Variants in TDRD15 observed in about 807,000 individuals in gnomAD.
TDRD15 encodes tudor domain-containing protein 15.
For missense variants in TDRD15, 1,416 were observed against 904.7 expected (o/e 1.57, Z -7.25); for synonymous variants, 503 against 314.5 (o/e 1.60, Z -6.34).
chr2:21,140,515 A>G lies in TDRD15; in HGVS notation c.3048A>G (p.Arg1016=), dbSNP rs1421335772. 2 of 693,348 alleles carry G rather than the reference A, an allele frequency of 2.9e-6. No individual in the cohort carries two copies. The highest frequency in any genetic ancestry group is 1.6e-5 in the South Asian group (1 of 62,208). The allele number at this position is 693,348 out of a possible 1,614,324, so 42.9% of individuals were successfully genotyped here. The change falls in exon 4 of 4, where the codon AGA becomes AGG. Residue 1016 remains arginine, a synonymous_variant. Transcript: ENST00000405799. ...CAAAATATGATTCTAATAAAATGAG[A>G]GTGTGCATATCTAAGTATGTAGAGG... The part of the protein sequence containing the change: ...NFPKYDSNKM[R]VCISKYVEDG...
chr2:21,133,902 C>G (rs141790684), intron 2 of TDRD15, among the ~76,000 whole-genome samples: 23 of 151,916 alleles, frequency 1.5e-4, no homozygotes, highest in African/African-American at 5.5e-4. Flanking sequence ...AATCAAATAT[C>G]ATAATATTAT....
At position 21,133,608 on chromosome 2, in the gene TDRD15, T is replaced by C. The variant is rs11903814; in HGVS notation, c.-89-1154T>C. On this transcript the variant is annotated intron_variant, in intron 2 of 3. Transcript: ENST00000405799. Reference sequence around the variant, plus strand: ...CTGTGGTCCGAAAAATGAAGGATCTTATTGTGAAGATCAGTTAAACTAGTG... The same window carrying C: ...CTGTGGTCCGAAAAATGAAGGATCTCATTGTGAAGATCAGTTAAACTAGTG... 0.012 allele frequency among the ~76,000 whole-genome samples: 1,803 copies of C among 152,266 alleles called. 61 individuals carry two copies. In the East Asian group the frequency reaches 0.14, roughly 12 times the overall value.
intron 3 of TDRD15, among the ~76,000 whole-genome samples, chr2:21,135,926 G>A (rs1037443251): frequency 6.6e-6 from 1 of 151,954 alleles, no homozygotes; most frequent in Admixed American, 6.6e-5. Context: ...GTGCCTTTGG[G>A]CTTGGTTGTC....
Position 21,140,136 on chromosome 2 carries a change from T to G in TDRD15, c.2669T>G (p.Phe890Cys). The change falls in exon 4 of 4, where the codon TTT (phenylalanine) becomes TGT (cysteine). Residue 890 changes from phenylalanine to cysteine, a missense_variant. Transcript: ENST00000405799. ...AAAGCATTCAGAGACTTGTGGAATT[T>G]TATCTCTTCATCTAGAGGGTTATTG... ...TRKAFRDLWN[F>C]ISSSRGLLTC... is the part of the protein sequence containing the mutation. 1 of 716,052 alleles carries G rather than the reference T, an allele frequency of 1.4e-6. No homozygotes were observed. Among genetic ancestry groups the G allele is most frequent in the Non-Finnish European group, 2.6e-6 (1 of 384,054 alleles). 44.4% of individuals were successfully genotyped at this position (716,052 alleles called of 1,614,324 possible). A position where few individuals can be genotyped will look rare whatever the true frequency, so the allele number is the denominator to read the frequency against.
At chr2:21,131,046 A>C (rs1260018878) in intron 2 of TDRD15, among the ~76,000 whole-genome samples, 1 of 152,230 alleles carries the variant, frequency 6.6e-6, no homozygotes, top group Non-Finnish European at 1.5e-5. Context: ...AAACTGAGTC[A>C]GATTTGGGTA....
chr2:21,131,699 A>G (rs1055567955), intron 2 of TDRD15, among the ~76,000 whole-genome samples: 10 of 152,246 alleles, frequency 6.6e-5, no homozygotes, highest in East Asian at 1.9e-4. Flanking sequence ...ACTTTTCACT[A>G]ATTTTTTGGT....
Position 21,140,641 on chromosome 2 carries a change from T to G in TDRD15, c.3174T>G (p.Asn1058Lys). The change falls in exon 4 of 4, where the codon AAT becomes AAG. Residue 1058 changes from asparagine (N) to lysine (K), a missense_variant. Transcript: ENST00000405799. ...DFGNKQLVGE[N>K]MLRAISAQFP... is the part of the protein sequence containing the mutation. ...GAAATAAGCAATTAGTAGGAGAAAA[T>G]ATGTTGAGGGCCATTTCAGCTCAGT... The G allele has an allele frequency of 1.4e-6, 1 of 715,274 alleles. No homozygotes were observed. The highest frequency in any genetic ancestry group is 2.6e-6 in the Non-Finnish European group (1 of 383,656). The allele number at this position is 715,274 out of a possible 1,614,324, so 44.3% of individuals were successfully genotyped here.
At chr2:21,134,631 A>G (rs1046060223) in intron 2 of TDRD15, 131 bp from the exon 3 acceptor site, 4 of 152,070 alleles carry the variant, frequency 2.6e-5, no homozygotes, top group African/African-American at 9.6e-5. Context: ...AAATTGTTAG[A>G]ACACTAATGA....
Position 21,139,792 on chromosome 2 carries a change from C to G in TDRD15, c.2325C>G (p.Leu775=), listed in dbSNP as rs1665884161. The G allele has an allele frequency of 1.4e-6, 1 of 715,250 alleles. No individual in the cohort carries two copies. Among genetic ancestry groups the G allele is most frequent in the Admixed American group, 2.0e-5 (1 of 49,888 alleles). 44.3% of individuals were successfully genotyped at this position (715,250 alleles called of 1,614,324 possible). ...YYGPGDFSCQ[L]QCKSEDLKLL... ...GCCCAGGTGACTTTTCATGCCAGCT[C>G]CAATGTAAGTCAGAAGACCTAAAAT... The change falls in exon 4 of 4, where the codon CTC becomes CTG. Residue 775 remains leucine (L), a synonymous_variant. Coordinates refer to ENST00000405799, the MANE Select transcript of TDRD15 (RefSeq NM_001306137.2).
rs1665953121 is a variant in TDRD15 at position 21,142,362 on chromosome 2, A to G, written c.4895A>G (p.Asn1632Ser). The G allele has an allele frequency of 1.4e-6, 1 of 691,852 alleles. No individual in the cohort carries two copies. Among genetic ancestry groups the G allele is most frequent in the Non-Finnish European group, 2.7e-6 (1 of 376,112 alleles). The allele number at this position is 691,852 out of a possible 1,614,324, so 42.9% of individuals were successfully genotyped here. A position where few individuals can be genotyped will look rare whatever the true frequency, so the allele number is the denominator to read the frequency against. ...AAGCTGCTTAGTAATGAAATAAGAA[A>G]CATTCCTAGACAAGCTGTACCTTGT... is the stretch of plus-strand genomic sequence containing the variant. Reference protein sequence around the residue: ...NTKLLSNEIRNIPRQAVPCKW... With the variant: ...NTKLLSNEIRSIPRQAVPCKW... The change falls in exon 4 of 4, where the codon AAC becomes AGC. Residue 1632 changes from asparagine to serine, a missense_variant. Coordinates refer to ENST00000405799, the MANE Select transcript of TDRD15 (RefSeq NM_001306137.2).
rs1307138181 is a variant in TDRD15, at chr2:21,138,034, A to G, written c.567A>G (p.Ser189=). The stretch of plus-strand genomic sequence containing the variant: ...TAGGAAGACTTGTTGATGGAGATTC[A>G]TTTCGTCTTATTGTGGAAATGTTAG... ...LQLGRLVDGD[S]FRLIVEMLEE... is the part of the protein sequence containing the mutation. The change falls in exon 4 of 4, where the codon TCA becomes TCG. Residue 189 remains serine, a synonymous_variant. Coordinates refer to ENST00000405799, the MANE Select transcript of TDRD15 (RefSeq NM_001306137.2). The G allele has an allele frequency of 9.8e-6, 7 of 716,112 alleles. No homozygotes were observed. In the East Asian group the frequency reaches 1.6e-4, roughly 16 times the overall value. 44.4% of individuals were successfully genotyped at this position (716,112 alleles called of 1,614,324 possible).
Position 21,139,052 on chromosome 2 carries a change from C to T in TDRD15, c.1585C>T (p.Leu529=). The T allele has an allele frequency of 1.4e-6, 1 of 714,942 alleles. No individual in the cohort carries two copies. 44.3% of individuals were successfully genotyped at this position (714,942 alleles called of 1,614,324 possible). A position where few individuals can be genotyped will look rare whatever the true frequency, so the allele number is the denominator to read the frequency against. ...YDLCENDEMI[L]RKPEPGLFCC... ...TTTGTGTGAAAACGATGAAATGATT[C>T]TAAGAAAACCTGAACCTGGATTATT... Residue 529 remains leucine (L), a synonymous_variant, in exon 4 of 4, where the codon CTA becomes TTA. Transcript: ENST00000405799.
rs1665842786 is a variant in TDRD15 at position 21,137,980 on chromosome 2, A to C, written c.513A>C (p.Lys171Asn). The change falls in exon 4 of 4, where the codon AAA becomes AAC. Residue 171 changes from lysine to asparagine, a missense_variant. Coordinates refer to ENST00000405799, the MANE Select transcript of TDRD15 (RefSeq NM_001306137.2). ...AAATGTTTCTTTTTGAAGTGCCAAAAATTATATCTCAGGCTCTCGAGTTAC... is the reference window on the plus strand; with the variant it reads ...AAATGTTTCTTTTTGAAGTGCCAAACATTATATCTCAGGCTCTCGAGTTAC... ...PLQMFLFEVPKIISQALELQL... is the reference protein window; with the variant it reads ...PLQMFLFEVPNIISQALELQL... 1.4e-6 allele frequency: 1 copy of C among 716,772 alleles called. No individual in the cohort carries two copies. The allele number at this position is 716,772 out of a possible 1,614,324, so 44.4% of individuals were successfully genotyped here. A position where few individuals can be genotyped will look rare whatever the true frequency, so the allele number is the denominator to read the frequency against.
chr2:21,131,382 G>C (rs1665715357), intron 2 of TDRD15, among the ~76,000 whole-genome samples: 1 of 152,222 alleles, frequency 6.6e-6, no homozygotes, highest in Non-Finnish European at 1.5e-5. Context: ...AGGTAGGCCA[G>C]TGGATTTTAA....
In TDRD15 at chr2:21,142,473, A is replaced by G. The variant is rs760363879; in HGVS notation, c.5006A>G (p.Tyr1669Cys). 1 of 705,538 alleles carries G rather than the reference A, an allele frequency of 1.4e-6. No homozygotes were observed. Among genetic ancestry groups the G allele is most frequent in the South Asian group, 1.5e-5 (1 of 65,038 alleles). The allele number at this position is 705,538 out of a possible 1,614,324, so 43.7% of individuals were successfully genotyped here. The change falls in exon 4 of 4, where the codon TAT becomes TGT. Residue 1669 changes from tyrosine to cysteine, a missense_variant. Tyr to Cys is a radical substitution (Grantham distance 194). Coordinates refer to ENST00000405799, the MANE Select transcript of TDRD15 (RefSeq NM_001306137.2). ...DLEINILFLK[Y>C]LDAVWEVEIL... Reference sequence around the variant, plus strand: ...GAAATAAATATTCTTTTCCTGAAATATTTAGATGCTGTTTGGGAAGTAGAA... The same window carrying G: ...GAAATAAATATTCTTTTCCTGAAATGTTTAGATGCTGTTTGGGAAGTAGAA...
intron 2 of TDRD15, among the ~76,000 whole-genome samples, chr2:21,129,165 C>G (rs1665659922): frequency 6.6e-6 from 1 of 151,922 alleles, no homozygotes; most frequent in Non-Finnish European, 1.5e-5. Context: ...GTAGTTTTCA[C>G]TTTTAGTTGT....
At chr2:21,125,892 G>A (rs924162490) in intron 1 of TDRD15, among the ~76,000 whole-genome samples, 1 of 151,934 alleles carries the variant, frequency 6.6e-6, no homozygotes, top group Non-Finnish European at 1.5e-5. Flanking sequence ...GGATTCTTAA[G>A]ACCTATTCAT....
At chr2:21,125,071 C>T (rs571904314) in intron 1 of TDRD15, among the ~76,000 whole-genome samples, 6 of 130,752 alleles carry the variant, frequency 4.6e-5, no homozygotes, top group Non-Finnish European at 8.0e-5. Flanking sequence ...GTGAGAGAGA[C>T]CCTAATGTCA....
rs568353664 is a variant in TDRD15 at position 21,138,228 on chromosome 2, G to A, written c.761G>A (p.Ser254Asn). 1.4e-6 allele frequency: 1 copy of A among 716,132 alleles called. No individual in the cohort carries two copies. Among genetic ancestry groups the A allele is most frequent in the East Asian group, 2.7e-5 (1 of 37,268 alleles). 44.4% of individuals were successfully genotyped at this position (716,132 alleles called of 1,614,324 possible). ...AAGGTATCATCTGCATTGAGCCCAA[G>A]TAAATTTTATTGTCAGTTAATTAAA... The part of the protein sequence containing the change: ...SVKVSSALSP[S>N]KFYCQLIKWT... The change falls in exon 4 of 4, where the codon AGT becomes AAT. Residue 254 changes from serine (S) to asparagine (N), a missense_variant. Physicochemically the swap from Ser to Asn is conservative, Grantham distance 46. Coordinates refer to ENST00000405799, the MANE Select transcript of TDRD15 (RefSeq NM_001306137.2).
Sources: gnomAD v4.1 joint callset for allele counts (sites outside exome capture counted in the v4.1 genomes callset) on GRCh38, gnomAD v4.1.1 for gene constraint, MANE v1.5 for transcripts, NCBI Gene and HGNC (gene_info 2026-07-23, HGNC 2026-07-21) for gene names.